Variants in TAF1A observed in about 807,000 individuals in gnomAD.
TAF1A encodes TATA box-binding protein-associated factor RNA polymerase I subunit A.
A neutral mutation model predicts 61.6 loss-of-function variants in TAF1A; 42 were observed. The ratio of observed to expected loss-of-function variants is 0.68; its 90% CI spans 0.53 to 0.88. The LOEUF (loss-of-function observed/expected upper bound fraction) is 0.88. Among genes scored for constraint, TAF1A ranks in the 40% least tolerant of loss-of-function variants. The probability of loss-of-function intolerance (pLI) is 0.00; values close to 1 mark genes in which losing one functional copy is unlikely to be tolerated. For missense variants in TAF1A, 424 were observed against 518.7 expected (o/e 0.82, Z 1.77); for synonymous variants, 179 against 177.7 (o/e 1.01, Z -0.06).
At chr1:222,566,537 G>T (rs1660124280) in intron 7 of TAF1A, among the ~76,000 whole-genome samples, 1 of 152,196 alleles carries the variant, frequency 6.6e-6, no homozygotes, top group African/African-American at 2.4e-5. Flanking sequence ...TGGGGGTGAT[G>T]GGAGACAGTT....
At chr1:222,583,503 T>C (rs1257228050) in intron 3 of TAF1A, among the ~76,000 whole-genome samples, 1 of 150,884 alleles carries the variant, frequency 6.6e-6, no homozygotes, top group Non-Finnish European at 1.5e-5. Flanking sequence ...AGTAAAACAA[T>C]GAAGTATAGT....
chr1:222,582,520 T>G (rs1660825889), intron 3 of TAF1A, among the ~76,000 whole-genome samples: 1 of 152,218 alleles, frequency 6.6e-6, no homozygotes, highest in South Asian at 2.1e-4. Flanking sequence ...TATGGCCACT[T>G]TGGAAAACAG....
chr1:222,555,585 T>C (rs1212015545), downstream of TAF1A, among the ~76,000 whole-genome samples: 2 of 152,146 alleles, frequency 1.3e-5, no homozygotes, highest in Non-Finnish European at 2.9e-5. Context: ...ATTGGTCAAA[T>C]GGTACAAAGT....
At chr1:222,586,991 T>C (rs929164215) in intron 2 of TAF1A, among the ~76,000 whole-genome samples, 1 of 152,236 alleles carries the variant, frequency 6.6e-6, no homozygotes, top group Admixed American at 6.5e-5. Context: ...CTTAAACCTA[T>C]CTGCTTGCAG....
intron 3 of TAF1A, among the ~76,000 whole-genome samples, chr1:222,580,100 A>G (rs1407341171): frequency 1.3e-5 from 2 of 152,210 alleles, no homozygotes; most frequent in Non-Finnish European, 2.9e-5. Context: ...ATAGTATAAT[A>G]GCATCATTAT....
chr1:222,586,874 A>G (rs1364509772), intron 2 of TAF1A, among the ~76,000 whole-genome samples: 1 of 152,238 alleles, frequency 6.6e-6, no homozygotes, highest in East Asian at 1.9e-4. Flanking sequence ...CACAATGTCA[A>G]TATTAATTGC....
Position 222,570,527 on chromosome 1 carries a change from C to A in TAF1A, c.735+8G>T, listed in dbSNP as rs1660306892. 14 of 1,594,736 alleles carry A rather than the reference C, an allele frequency of 8.8e-6. No individual in the cohort carries two copies. Among genetic ancestry groups the A allele is most frequent in the Non-Finnish European group, 1.2e-5 (14 of 1,167,742 alleles). On this transcript the variant is annotated splice_region_variant and intron_variant, in intron 6 of 10. Transcript: ENST00000352967. ...AAAACCAATAAATTTAATGAAAATTCTACTTACTTCTACATAACTCTTCAC... is the reference window on the plus strand; with the variant it reads ...AAAACCAATAAATTTAATGAAAATTATACTTACTTCTACATAACTCTTCAC...
At chr1:222,579,230 C>A (rs567433244) in intron 4 of TAF1A, among the ~76,000 whole-genome samples, 6 of 152,132 alleles carry the variant, frequency 3.9e-5, no homozygotes, top group Non-Finnish European at 7.4e-5. Flanking sequence ...AAAGCATTTA[C>A]AAACCTGTAT....
chr1:222,586,580 C>T (rs941934729), intron 2 of TAF1A, among the ~76,000 whole-genome samples: 1 of 152,016 alleles, frequency 6.6e-6, no homozygotes, highest in Non-Finnish European at 1.5e-5. Flanking sequence ...TAGAGATGTA[C>T]AATAAAGAAC....
chr1:222,565,489 AT>A (rs1301690427), intron 7 of TAF1A, among the ~76,000 whole-genome samples: 2 of 152,176 alleles, frequency 1.3e-5, no homozygotes, highest in East Asian at 3.8e-4. Context: ...TTCAACAGTT[AT>A]TTTCTGTAGC....
chr1:222,559,142 A>G (rs991166465), intron 10 of TAF1A, among the ~76,000 whole-genome samples: 4 of 152,242 alleles, frequency 2.6e-5, no homozygotes, highest in African/African-American at 9.6e-5. Context: ...ACAGTCACAT[A>G]TTAAATGAGC....
chr1:222,565,359 T>A (rs77027161), intron 7 of TAF1A, among the ~76,000 whole-genome samples: 7,769 of 152,320 alleles, frequency 0.051, 617 homozygotes, highest in African/African-American at 0.17. Context: ...TCTTTTGCTA[T>A]GTCCAATCTG....
intron 5 of TAF1A, among the ~76,000 whole-genome samples, chr1:222,574,324 T>C (rs1370219003): frequency 3.9e-5 from 6 of 152,118 alleles, no homozygotes; most frequent in African/African-American, 1.4e-4. Flanking sequence ...CCCAACAAAT[T>C]GGCTGATATG....
chr1:222,584,517 T>C (rs764906567), intron 2 of TAF1A, among the ~76,000 whole-genome samples: 2 of 152,232 alleles, frequency 1.3e-5, no homozygotes, highest in Non-Finnish European at 1.5e-5. Context: ...GTTTTGGGGC[T>C]ACTAGAGTCA....
At chr1:222,575,600 G>A (rs894817787) in intron 5 of TAF1A, among the ~76,000 whole-genome samples, 1 of 152,186 alleles carries the variant, frequency 6.6e-6, no homozygotes, top group Non-Finnish European at 1.5e-5. Context: ...GTCACCAAGT[G>A]CATCAATCCC....
intron 5 of TAF1A, among the ~76,000 whole-genome samples, chr1:222,577,224 G>A (rs1349347042): frequency 6.6e-6 from 1 of 152,158 alleles, no homozygotes; most frequent in Non-Finnish European, 1.5e-5. Flanking sequence ...AAACAGCAAT[G>A]AACCTAAAAT....
At chr1:222,586,018 A>G (rs571066613) in intron 2 of TAF1A, among the ~76,000 whole-genome samples, 9 of 152,306 alleles carry the variant, frequency 5.9e-5, no homozygotes, top group Admixed American at 5.2e-4. Flanking sequence ...TTTTCAGAAA[A>G]AACTAGGGGA....
At chr1:222,581,540 T>C (rs1444843901) in intron 3 of TAF1A, among the ~76,000 whole-genome samples, 1 of 152,192 alleles carries the variant, frequency 6.6e-6, no homozygotes, top group Admixed American at 6.5e-5. Flanking sequence ...ACATTCTATG[T>C]AGAGAGACAA....
intron 2 of TAF1A, 81 bp from the exon 3 acceptor site, chr1:222,584,378 T>G: frequency 7.3e-7 from 1 of 1,378,942 alleles, no homozygotes; most frequent in Non-Finnish European, 9.7e-7. Context: ...TGATAAGAAG[T>G]TTTAACAAGT....
Sources: gnomAD v4.1 joint callset for allele counts (sites outside exome capture counted in the v4.1 genomes callset) on GRCh38, gnomAD v4.1.1 for gene constraint, MANE v1.5 for transcripts, NCBI Gene and HGNC (gene_info 2026-07-23, HGNC 2026-07-21) for gene names.